The following SNTG1 variants were observed in gnomAD, a reference collection of about 807,000 sequenced individuals.
SNTG1 encodes the protein gamma-1-syntrophin.
Under a neutral mutation model 74.7 loss-of-function variants are expected in SNTG1, and 39 were observed. The ratio of observed to expected loss-of-function variants is 0.52; its 90% CI spans 0.40 to 0.68. The LOEUF is 0.68. Among genes scored for constraint, SNTG1 ranks in the 30% least tolerant of loss-of-function variants. SNTG1 has a pLI of 0.00. For missense variants in SNTG1, 685 were observed against 609.5 expected (o/e 1.12, Z -1.30); for synonymous variants, 254 against 217.1 (o/e 1.17, Z -1.49).
chr8:50,578,445 G>A (rs2094589258), intron 12 of SNTG1, among the ~76,000 whole-genome samples: 1 of 152,154 alleles, frequency 6.6e-6, no homozygotes, highest in African/African-American at 2.4e-5. Context: ...GAGACAGCAA[G>A]AGCAAGGGAG....
intron 2 of SNTG1, among the ~76,000 whole-genome samples, chr8:50,276,411 A>G (rs1005211862): frequency 6.9e-6 from 1 of 145,784 alleles, no homozygotes; most frequent in Non-Finnish European, 1.5e-5. Context: ...ATATATATAA[A>G]TCATATATTA....
At chr8:50,677,495 G>A (rs78097637) in intron 15 of SNTG1, among the ~76,000 whole-genome samples, 1,585 of 152,008 alleles carry the variant, frequency 0.01, 33 homozygotes, top group African/African-American at 0.035. Flanking sequence ...CCCTTAGAAT[G>A]AGAATTACTT....
chr8:50,365,247 C>A (rs2092076139), intron 2 of SNTG1, among the ~76,000 whole-genome samples: 1 of 152,014 alleles, frequency 6.6e-6, no homozygotes, highest in Non-Finnish European at 1.5e-5. Flanking sequence ...TCTTCAATGT[C>A]TTTAATTTTT....
chr8:50,043,175 A>C (rs1288387182), intron 1 of SNTG1, among the ~76,000 whole-genome samples: 2 of 152,202 alleles, frequency 1.3e-5, no homozygotes, highest in Non-Finnish European at 2.9e-5. Flanking sequence ...GAACATGTAA[A>C]AATACAAATT....
intron 2 of SNTG1, among the ~76,000 whole-genome samples, chr8:50,228,636 T>C (rs891222719): frequency 9.2e-5 from 14 of 151,746 alleles, no homozygotes; most frequent in African/African-American, 2.9e-4. Flanking sequence ...GTTTAAAATA[T>C]TAAAGGAAAA....
At chr8:50,273,466 G>T (rs967277020) in intron 2 of SNTG1, among the ~76,000 whole-genome samples, 1 of 152,106 alleles carries the variant, frequency 6.6e-6, no homozygotes, top group Non-Finnish European at 1.5e-5. Context: ...GCCCTCTTGA[G>T]CTTATACTCA....
At position 50,792,863 on chromosome 8, in the gene SNTG1, T is replaced by C. The variant is rs73677531; in HGVS notation, c.*34T>C. 4.1e-3 allele frequency: 6,454 copies of C among 1,568,860 alleles called. 188 individuals carry two copies. In the African/African-American group the frequency reaches 0.067, roughly 16 times the overall value. Reference sequence around the variant, plus strand: ...ACTCTTCATTGACACACCCCATGACTGTATAAGCAGGACACATTTACTCAT... The same window carrying C: ...ACTCTTCATTGACACACCCCATGACCGTATAAGCAGGACACATTTACTCAT... On this transcript the variant is annotated 3_prime_UTR_variant, in exon 19 of 19. Coordinates refer to ENST00000642720, the MANE Select transcript of SNTG1 (RefSeq NM_018967.5).
intron 17 of SNTG1, among the ~76,000 whole-genome samples, chr8:50,711,639 C>T (rs927987901): frequency 5.9e-5 from 9 of 152,228 alleles, no homozygotes; most frequent in African/African-American, 1.7e-4. Context: ...CTGGGAATGT[C>T]GAGCTAATTC....
rs2092818320 is a variant in SNTG1, at chr8:50,402,384, T to C, written c.162+40T>C. The C allele has an allele frequency of 6.4e-6, 10 of 1,557,992 alleles. No homozygotes were observed. The South Asian group carries it at 1.2e-4, about 19-fold the overall frequency. On this transcript the variant is annotated intron_variant, in intron 4 of 18. Coordinates refer to ENST00000642720, the MANE Select transcript of SNTG1 (RefSeq NM_018967.5). Reference sequence around the variant, plus strand: ...CTTCTGTTGAAATTTTTTGTGTTTGTTTTTTGTTAATAAAAATGTTTATTC... The same window carrying C: ...CTTCTGTTGAAATTTTTTGTGTTTGCTTTTTGTTAATAAAAATGTTTATTC...
At position 50,214,680 on chromosome 8, in the gene SNTG1, G is replaced by T. The variant is rs79786180; in HGVS notation, c.-28+42045G>T. On this transcript the variant is annotated intron_variant, in intron 2 of 18. Coordinates refer to ENST00000642720, the MANE Select transcript of SNTG1 (RefSeq NM_018967.5). ...TTGTGTAATGTAATTGGCTTGACTTGATTCAATACTAAGCCTATATCTCTA... is the reference window on the plus strand; with the variant it reads ...TTGTGTAATGTAATTGGCTTGACTTTATTCAATACTAAGCCTATATCTCTA... Among the ~76,000 whole-genome samples, 549 of 152,206 alleles carry T rather than the reference G, an allele frequency of 3.6e-3. 4 individuals are homozygous for T. The highest frequency in any genetic ancestry group is 0.012 in the African/African-American group (489 of 41,540).
At chr8:50,542,675 TG>T (rs1326616176) in intron 11 of SNTG1, among the ~76,000 whole-genome samples, 1 of 152,218 alleles carries the variant, frequency 6.6e-6, no homozygotes, top group African/African-American at 2.4e-5. Flanking sequence ...CAAACTGTTC[TG>T]AAGTAGTGGT....
At chr8:50,147,595 T>C (rs2081916371) in intron 1 of SNTG1, among the ~76,000 whole-genome samples, 1 of 152,196 alleles carries the variant, frequency 6.6e-6, no homozygotes, top group Non-Finnish European at 1.5e-5. Flanking sequence ...GATGCCACCT[T>C]GACCAAATTG....
chr8:50,041,127 C>T (rs936637589), intron 1 of SNTG1, among the ~76,000 whole-genome samples: 1 of 152,122 alleles, frequency 6.6e-6, no homozygotes, highest in Non-Finnish European at 1.5e-5. Flanking sequence ...AGCTCCCGAC[C>T]TCAGATGATC....
intron 13 of SNTG1, among the ~76,000 whole-genome samples, chr8:50,611,932 A>C (rs1374156468): frequency 6.6e-6 from 1 of 152,020 alleles, no homozygotes; most frequent in Admixed American, 6.6e-5. Flanking sequence ...ATGTACAGCT[A>C]TTTTTTGTGG....
intron 9 of SNTG1, among the ~76,000 whole-genome samples, chr8:50,519,560 A>G (rs1186224956): frequency 6.6e-6 from 1 of 152,182 alleles, no homozygotes; most frequent in Non-Finnish European, 1.5e-5. Context: ...AAACCCTATT[A>G]TCTCAGCCCT....
chr8:50,736,381 A>G (rs1434549688), intron 17 of SNTG1, among the ~76,000 whole-genome samples: 1 of 152,128 alleles, frequency 6.6e-6, no homozygotes, highest in Non-Finnish European at 1.5e-5. Flanking sequence ...AGAGCTAACT[A>G]TCCTAAATAT....
chr8:50,273,936 C>G (rs1335515154), intron 2 of SNTG1, among the ~76,000 whole-genome samples: 1 of 152,034 alleles, frequency 6.6e-6, no homozygotes, highest in African/African-American at 2.4e-5. Context: ...TTCATTTCAT[C>G]AAAACTTTAC....
intron 1 of SNTG1, among the ~76,000 whole-genome samples, chr8:50,059,177 T>C (rs1481259818): frequency 1.3e-5 from 2 of 152,140 alleles, no homozygotes; most frequent in Non-Finnish European, 2.9e-5. Context: ...TTTCTACTTT[T>C]TGGCTTTTAT....
intron 1 of SNTG1, among the ~76,000 whole-genome samples, chr8:49,932,300 T>C (rs926958567): frequency 1.3e-5 from 2 of 152,190 alleles, no homozygotes; most frequent in Admixed American, 1.3e-4. Context: ...TAACTTTTGC[T>C]CTGTTGTTTA....
Sources: allele counts gnomAD v4.1 joint callset (sites outside exome capture counted in the v4.1 genomes callset), GRCh38; gene constraint gnomAD v4.1.1; transcripts MANE v1.5; gene names NCBI Gene and HGNC (gene_info 2026-07-23, HGNC 2026-07-21).